BCAS1: variants seen among roughly 807,000 people sequenced by gnomAD.
BCAS1 encodes breast carcinoma-amplified sequence 1.
A neutral mutation model predicts 65.4 loss-of-function variants in BCAS1; 46 were observed. The ratio of observed to expected loss-of-function variants is 0.70; its 90% confidence interval spans 0.55 to 0.90. The LOEUF is 0.90. Among genes scored for constraint, BCAS1 ranks in the 40% least tolerant of loss-of-function variants. BCAS1 has a pLI of 0.00. For synonymous variants in BCAS1, 298 were observed against 293.5 expected (o/e 1.02, Z -0.16); for missense variants, 793 against 771.2 (o/e 1.03, Z -0.33).
At chr20:54,057,747 A>C (rs1318645039) in intron 3 of BCAS1, among the ~76,000 whole-genome samples, 4 of 151,792 alleles carry the variant, frequency 2.6e-5, no homozygotes, top group African/African-American at 9.7e-5. Context: ...AAATTTAGAC[A>C]TGCATAGAGG....
intron 3 of BCAS1, among the ~76,000 whole-genome samples, chr20:54,056,147 A>C (rs2092293480): frequency 6.6e-6 from 1 of 152,194 alleles, no homozygotes; most frequent in Non-Finnish European, 1.5e-5. Context: ...ATTTGCTAAG[A>C]GTAGATTGTA....
intron 4 of BCAS1, among the ~76,000 whole-genome samples, chr20:54,018,729 T>C (rs2091495034): frequency 6.6e-6 from 1 of 152,204 alleles, no homozygotes; most frequent in Admixed American, 6.5e-5. Context: ...CAAATTCTGA[T>C]AAGTGCTATG....
In BCAS1 at chr20:54,051,726, T is replaced by TTTGTTGTTGTTG. The variant is rs11470040; in HGVS notation, c.142+6347_142+6358dup. Among the ~76,000 whole-genome samples the TTTGTTGTTGTTG allele has an allele frequency of 6.0e-5, 9 of 149,238 alleles. No individual in the cohort carries two copies. In the East Asian group the frequency reaches 7.9e-4, roughly 13 times the overall value. On this transcript the variant is annotated intron_variant, in intron 3 of 12. Coordinates refer to ENST00000688948, the MANE Select transcript of BCAS1 (RefSeq NM_001366298.2). ...TTTGACTATGCTGGTTTTTTTTTTG[T>TTTGTTGTTGTTG]TTGTTGTTGTTGTTGTTGTTGTTGT...
intron 1 of BCAS1, among the ~76,000 whole-genome samples, chr20:54,064,544 A>G (rs463420): frequency 0.48 from 72,665 of 152,066 alleles, 18,563 homozygotes; most frequent in African/African-American, 0.66. Flanking sequence ...TTCCCCCAGA[A>G]CTGGCGGGCA....
intron 11 of BCAS1, among the ~76,000 whole-genome samples, chr20:53,956,987 G>T (rs890316856): frequency 2.0e-5 from 3 of 152,192 alleles, no homozygotes; most frequent in African/African-American, 7.2e-5. Context: ...CATGCAAGGT[G>T]ATAGAGAAAT....
chr20:54,027,373 A>C (rs527715613), intron 4 of BCAS1, among the ~76,000 whole-genome samples: 1 of 152,380 alleles, frequency 6.6e-6, no homozygotes, highest in East Asian at 1.9e-4. Flanking sequence ...ATTTACGTAC[A>C]GTGCTCAGAG....
chr20:54,046,352 A>AC (rs2092105272), intron 3 of BCAS1, among the ~76,000 whole-genome samples: 1 of 151,280 alleles, frequency 6.6e-6, no homozygotes, highest in Admixed American at 6.6e-5. Context: ...ACATAGTGGA[A>AC]CCCCGTCTGT....
chr20:53,998,076 C>G (rs1277828475), intron 4 of BCAS1, among the ~76,000 whole-genome samples: 1 of 151,996 alleles, frequency 6.6e-6, no homozygotes, highest in African/African-American at 2.4e-5. Flanking sequence ...GGCAGAAGCC[C>G]ACAGAAGACT....
At chr20:53,995,389 T>C (rs6013863) in intron 5 of BCAS1, among the ~76,000 whole-genome samples, 6,947 of 152,244 alleles carry the variant, frequency 0.046, 199 homozygotes, top group South Asian at 0.077. Context: ...GCACATTCTG[T>C]TGACATTTAT....
Position 53,944,635 on chromosome 20 carries a change from C to G in BCAS1, c.*287G>C. ...CCACTGCCATTTTCATCACTTAACC[C>G]GAACACATTCCTCTATTCCCTCCCT... On this transcript the variant is annotated 3_prime_UTR_variant, in exon 13 of 13. Coordinates refer to ENST00000688948, the MANE Select transcript of BCAS1 (RefSeq NM_001366298.2). The G allele has an allele frequency of 2.8e-6, 1 of 358,500 alleles. No homozygotes were observed. The highest frequency in any genetic ancestry group is 5.3e-6 in the Non-Finnish European group (1 of 187,650). 22.2% of individuals were successfully genotyped at this position (358,500 alleles called of 1,614,324 possible).
intron 4 of BCAS1, among the ~76,000 whole-genome samples, chr20:54,024,475 G>T (rs757143711): frequency 6.6e-6 from 1 of 152,190 alleles, no homozygotes; most frequent in Non-Finnish European, 1.5e-5. Context: ...TAGACATGTG[G>T]AAGAGGAGGC....
In BCAS1 at chr20:54,028,489, CCTGG is replaced by C. The variant is rs754772374; in HGVS notation, c.622_625del (p.Pro208ValfsTer35). 43 of 1,614,210 alleles carry C rather than the reference CCTGG, an allele frequency of 2.7e-5. No individual in the cohort carries two copies. Among genetic ancestry groups the C allele is most frequent in the Non-Finnish European group, 3.6e-5 (43 of 1,180,040 alleles). On this transcript the variant is annotated frameshift_variant, in exon 4 of 13. Coordinates refer to ENST00000688948, the MANE Select transcript of BCAS1 (RefSeq NM_001366298.2). LOFTEE classifies it high-confidence loss of function. Reference sequence around the variant, plus strand: ...CCTCTTGGCTTCCTGTTGGCTGTCACCTGGCACCTTTTCCTGTCCCTTGTCCAGC... The same window carrying C: ...CCTCTTGGCTTCCTGTTGGCTGTCACCACCTTTTCCTGTCCCTTGTCCAGC...
Position 54,028,932 on chromosome 20 carries a change from A to G in BCAS1, c.183T>C (p.Thr61=). The change falls in exon 4 of 13, where the codon ACT becomes ACC. Residue 61 remains threonine, a synonymous_variant. Coordinates refer to ENST00000688948, the MANE Select transcript of BCAS1 (RefSeq NM_001366298.2). ...GISVKTDNVA[T]SSPETTEISA... The stretch of plus-strand genomic sequence containing the variant: ...TTATCTCCGTTGTCTCGGGGGAAGA[A>G]GTGGCCACATTATCCGTCTTGACAC... The G allele has an allele frequency of 2.5e-6, 4 of 1,613,800 alleles. No homozygotes were observed. The highest frequency in any genetic ancestry group is 3.4e-6 in the Non-Finnish European group (4 of 1,179,940).
intron 1 of BCAS1, among the ~76,000 whole-genome samples, chr20:54,060,090 TGAC>T (rs1449180363): frequency 6.6e-6 from 1 of 152,232 alleles, no homozygotes; most frequent in Non-Finnish European, 1.5e-5. Flanking sequence ...ACAGTGGTTA[TGAC>T]CACAGACTCT....
rs115747248 is a variant in BCAS1, at chr20:54,038,032, G to A, written c.143-9060C>T. On this transcript the variant is annotated intron_variant, in intron 3 of 12. Coordinates refer to ENST00000688948, the MANE Select transcript of BCAS1 (RefSeq NM_001366298.2). ...TTTGCATAAAACCATCCAAAGAAGG[G>A]CCTCACAAAATTAAAACAAAATCCA... is the stretch of plus-strand genomic sequence containing the variant. Among the ~76,000 whole-genome samples the A allele has an allele frequency of 3.0e-3, 454 of 151,068 alleles. 9 individuals carry two copies. Among genetic ancestry groups the A allele is most frequent in the African/African-American group, 0.011 (436 of 41,364 alleles).
chr20:54,019,842 C>T (rs928605787), intron 4 of BCAS1, among the ~76,000 whole-genome samples: 1 of 152,178 alleles, frequency 6.6e-6, no homozygotes, highest in Non-Finnish European at 1.5e-5. Context: ...GGCTCTCAGG[C>T]CTTTGGCCAC....
At chr20:54,004,163 GC>G (rs1053247296) in intron 4 of BCAS1, among the ~76,000 whole-genome samples, 6 of 152,144 alleles carry the variant, frequency 3.9e-5, no homozygotes, top group African/African-American at 1.4e-4. Flanking sequence ...ATGGGGTGGA[GC>G]CCCCATGAAT....
chr20:53,969,257 A>G (rs889997265), intron 9 of BCAS1, among the ~76,000 whole-genome samples: 6 of 152,178 alleles, frequency 3.9e-5, no homozygotes, highest in Middle Eastern at 6.8e-3. Context: ...TCTTAGCACC[A>G]TGCACTCAAT....
At chr20:53,945,729 T>C (rs1166392731) in intron 12 of BCAS1, among the ~76,000 whole-genome samples, 1 of 152,228 alleles carries the variant, frequency 6.6e-6, no homozygotes, top group Non-Finnish European at 1.5e-5. Flanking sequence ...AGCCTTAACA[T>C]TGACTGAATG....
Sources: allele counts gnomAD v4.1 joint callset (sites outside exome capture counted in the v4.1 genomes callset), GRCh38; gene constraint gnomAD v4.1.1; transcripts MANE v1.5; gene names NCBI Gene and HGNC (gene_info 2026-07-23, HGNC 2026-07-21).